The following FOXP2 variants were observed in gnomAD, a reference collection of about 807,000 sequenced individuals.
The protein encoded by FOXP2 is forkhead box P2, also known as forkhead box protein P2.
Under a neutral mutation model 115.8 loss-of-function variants are expected in FOXP2, and 12 were observed. The observed-to-expected ratio is 0.10, with a 90% confidence interval of 0.07 to 0.17. The LOEUF (loss-of-function observed/expected upper bound fraction) is 0.17. FOXP2 is among the 10% of genes least tolerant of loss of function. The probability of loss-of-function intolerance (pLI) is 1.00; values close to 1 mark genes in which losing one functional copy is unlikely to be tolerated. For missense variants in FOXP2, 629 were observed against 843.5 expected (o/e 0.75, Z 3.15); for synonymous variants, 328 against 297.7 (o/e 1.10, Z -1.05).
At chr7:114,350,092 G>A (rs1341225781) in intron 2 of FOXP2, among the ~76,000 whole-genome samples, 1 of 152,074 alleles carries the variant, frequency 6.6e-6, no homozygotes, top group East Asian at 1.9e-4. Flanking sequence ...TATCTTGAAT[G>A]AGTAAAAGAA....
Position 114,294,700 on chromosome 7 carries a change from G to A in FOXP2, c.-11+6591G>A, listed in dbSNP as rs114158911. Among the ~76,000 whole-genome samples, 3 of 151,896 alleles carry A rather than the reference G, an allele frequency of 2.0e-5. No individual in the cohort carries two copies. The East Asian group carries it at 5.8e-4, about 29-fold the overall frequency. Reference sequence around the variant, plus strand: ...TACTGAAAATACAAAAATCAGCTGGGCATGATGGTGGACGCCTGTAATCCC... The same window carrying A: ...TACTGAAAATACAAAAATCAGCTGGACATGATGGTGGACGCCTGTAATCCC... On this transcript the variant is annotated intron_variant, in intron 2 of 17. Transcript: ENST00000634411.
intron 1 of FOXP2, among the ~76,000 whole-genome samples, chr7:114,244,605 AT>A (rs1420444347): frequency 1.3e-5 from 2 of 152,186 alleles, no homozygotes; most frequent in African/African-American, 4.8e-5. Context: ...CATACAGATT[AT>A]TTAACTTAAT....
rs182688191 is a variant in FOXP2 at position 114,580,458 on chromosome 7, G to A, written c.258+45752G>A. The stretch of plus-strand genomic sequence containing the variant: ...CTGGGTGTGATGGCATATTCCTGTA[G>A]TCCCAGCTACTTGAGAGGCTGAGAC... On this transcript the variant is annotated intron_variant, in intron 3 of 16. Transcript: ENST00000350908. 3.9e-3 allele frequency among the ~76,000 whole-genome samples: 593 copies of A among 152,172 alleles called. 5 individuals are homozygous for A. The highest frequency in any genetic ancestry group is 0.017 in the Middle Eastern group (5 of 294).
At chr7:114,349,192 C>G (rs1025771658) in intron 2 of FOXP2, among the ~76,000 whole-genome samples, 2 of 151,864 alleles carry the variant, frequency 1.3e-5, no homozygotes, top group Non-Finnish European at 2.9e-5. Context: ...CAACTAAGAA[C>G]CATTTGAAGC....
intron 1 of FOXP2, among the ~76,000 whole-genome samples, chr7:114,132,331 A>G (rs1791901183): frequency 6.6e-6 from 1 of 152,052 alleles, no homozygotes; most frequent in Non-Finnish European, 1.5e-5. Flanking sequence ...ATGTCCTTGA[A>G]CCTTTCACCA....
At chr7:114,100,201 T>C (rs1465193955) in intron 1 of FOXP2, among the ~76,000 whole-genome samples, 1 of 152,190 alleles carries the variant, frequency 6.6e-6, no homozygotes, top group South Asian at 2.1e-4. Flanking sequence ...ATGTTTTACA[T>C]AGATAACTTT....
At chr7:114,688,124 A>G (rs1313580701) in intron 16 of FOXP2, among the ~76,000 whole-genome samples, 1 of 146,430 alleles carries the variant, frequency 6.8e-6, no homozygotes, top group African/African-American at 2.5e-5. Flanking sequence ...TTTTTTTTTT[A>G]ATGTGCTTGT....
chr7:114,150,972 A>G (rs1443116299), intron 1 of FOXP2, among the ~76,000 whole-genome samples: 1 of 152,094 alleles, frequency 6.6e-6, no homozygotes. Flanking sequence ...GTTACAACCT[A>G]TTAAGTAAAT....
At chr7:114,593,132 T>G (rs1473062940) in intron 3 of FOXP2, among the ~76,000 whole-genome samples, 2 of 151,972 alleles carry the variant, frequency 1.3e-5, no homozygotes, top group East Asian at 3.8e-4. Flanking sequence ...ATTTGAAAGT[T>G]TACTCTGTGG....
intron 1 of FOXP2, among the ~76,000 whole-genome samples, chr7:114,281,678 C>A (rs569266067): frequency 1.1e-3 from 169 of 152,134 alleles, no homozygotes; most frequent in Non-Finnish European, 1.6e-3. Context: ...TTAAGTATTT[C>A]CAACTTGAAG....
chr7:114,468,133 G>A (rs1795892182), intron 2 of FOXP2, among the ~76,000 whole-genome samples: 1 of 152,108 alleles, frequency 6.6e-6, no homozygotes, highest in Non-Finnish European at 1.5e-5. Context: ...TTCCCTTAGT[G>A]ACAGTAGGCA....
At chr7:114,633,736 C>T (rs1463441760) in intron 6 of FOXP2, among the ~76,000 whole-genome samples, 2 of 152,028 alleles carry the variant, frequency 1.3e-5, no homozygotes, top group South Asian at 2.1e-4. Flanking sequence ...AGGAACCTAG[C>T]GTTACGGTAC....
chr7:114,171,806 G>C (rs1793149123), intron 1 of FOXP2, among the ~76,000 whole-genome samples: 1 of 152,164 alleles, frequency 6.6e-6, no homozygotes, highest in South Asian at 2.1e-4. Context: ...AAACCTTCTA[G>C]AAAGGATTCA....
chr7:114,555,522 C>G (rs1173863528), intron 3 of FOXP2, among the ~76,000 whole-genome samples: 2 of 152,166 alleles, frequency 1.3e-5, no homozygotes, highest in Non-Finnish European at 2.9e-5. Flanking sequence ...AGGGGCTGGG[C>G]ACAGTGGCTC....
At chr7:114,359,422 C>T (rs1435918225) in intron 2 of FOXP2, among the ~76,000 whole-genome samples, 1 of 152,168 alleles carries the variant, frequency 6.6e-6, no homozygotes, top group Non-Finnish European at 1.5e-5. Context: ...GGTCCTCACT[C>T]GGGTACTGCC....
upstream of FOXP2, among the ~76,000 whole-genome samples, chr7:114,087,424 C>G (rs1400018997): frequency 6.6e-6 from 1 of 151,420 alleles, no homozygotes; most frequent in African/African-American, 2.4e-5. Context: ...GGTCGCCTGG[C>G]TGTTTGTGGG....
chr7:114,521,569 T>A (rs1030578195), intron 2 of FOXP2, among the ~76,000 whole-genome samples: 38 of 151,026 alleles, frequency 2.5e-4, no homozygotes, highest in Admixed American at 1.7e-3. Context: ...GGGGTGCCGT[T>A]TAGAGAATGA....
At chr7:114,433,148 A>G (rs1470226020) in intron 2 of FOXP2, among the ~76,000 whole-genome samples, 1 of 151,996 alleles carries the variant, frequency 6.6e-6, no homozygotes, top group Admixed American at 6.6e-5. Context: ...AGGTAAAAGA[A>G]AAGATTGTTT....
chr7:114,346,895 A>C (rs555366511), intron 2 of FOXP2, among the ~76,000 whole-genome samples: 1 of 151,930 alleles, frequency 6.6e-6, no homozygotes, highest in East Asian at 1.9e-4. Flanking sequence ...TGAGTGGAAG[A>C]GAGGCTTTTG....
Sources: gnomAD v4.1 joint callset for allele counts (sites outside exome capture counted in the v4.1 genomes callset) on GRCh38, gnomAD v4.1.1 for gene constraint, MANE v1.5 for transcripts, NCBI Gene and HGNC (gene_info 2026-07-23, HGNC 2026-07-21) for gene names.